Variants in NADSYN1 observed in about 807,000 individuals in gnomAD.
NADSYN1 encodes the protein glutamine-dependent NAD(+) synthetase.
In NADSYN1, 80 loss-of-function variants were observed where a neutral mutation model predicts 99.3. The observed-to-expected ratio is 0.81, with a 90% confidence interval of 0.67 to 0.97. NADSYN1 has a LOEUF of 0.97. Among genes scored for constraint, NADSYN1 ranks in the 50% least tolerant of loss-of-function variants. The probability of loss-of-function intolerance (pLI) is 0.00; values close to 1 mark genes in which losing one functional copy is unlikely to be tolerated. For synonymous variants in NADSYN1, 385 were observed against 372.1 expected (o/e 1.03, Z -0.40); for missense variants, 859 against 948.5 (o/e 0.91, Z 1.24).
intron 3 of NADSYN1, 45 bp downstream of exon 3, chr11:71,458,589 C>A: frequency 6.9e-7 from 1 of 1,444,874 alleles, no homozygotes; most frequent in East Asian, 2.3e-5. Flanking sequence ...GGGACAAAGG[C>A]AAGCTCAAGG....
At chr11:71,485,387 C>T (rs1949735423) in intron 15 of NADSYN1, 155 bp from the exon 16 acceptor site, 5 of 569,802 alleles carry the variant, frequency 8.8e-6, no homozygotes, top group South Asian at 2.2e-5. Context: ...AGGAAGGCCT[C>T]GGGACACTGT....
intron 9 of NADSYN1, chr11:71,477,149 C>G (rs921213884): frequency 1.0e-4 from 118 of 1,140,198 alleles, no homozygotes; most frequent in Non-Finnish European, 1.2e-4. Flanking sequence ...CCGTCGGGCC[C>G]GCGTTTCTCA....
Position 71,490,821 on chromosome 11 carries a change from C to T in NADSYN1, c.1563-24C>T, listed in dbSNP as rs376828758. On this transcript the variant is annotated intron_variant, in intron 16 of 20. Coordinates refer to ENST00000319023, the MANE Select transcript of NADSYN1 (RefSeq NM_018161.5). The stretch of plus-strand genomic sequence containing the variant: ...GAGTCTGCGGCCCCTTGGGAACCCG[C>T]GCTCTTTCTCCCTCTCCCTGCAGTC... The T allele has an allele frequency of 9.5e-5, 153 of 1,612,968 alleles. 1 individual carries two copies. In the African/African-American group the frequency reaches 1.1e-3, roughly 11 times the overall value.
Position 71,481,323 on chromosome 11 carries a change from G to A in NADSYN1, c.999-33G>A, listed in dbSNP as rs188095227. On this transcript the variant is annotated intron_variant, in intron 11 of 20. Coordinates refer to ENST00000319023, the MANE Select transcript of NADSYN1 (RefSeq NM_018161.5). ...TTGGGTGCTGTGGGCAGGGGCCACC[G>A]CCTCCGGGCTCCATGTTCTGATTGC... 32 of 1,612,316 alleles carry A rather than the reference G, an allele frequency of 2.0e-5. No individual in the cohort carries two copies. The Admixed American group carries it at 3.3e-4, about 17-fold the overall frequency.
intron 3 of NADSYN1, among the ~76,000 whole-genome samples, chr11:71,462,046 CAGAA>C (rs1270634767): frequency 1.4e-4 from 21 of 152,274 alleles, no homozygotes; most frequent in African/African-American, 4.6e-4. Flanking sequence ...TGATGTCAAC[CAGAA>C]ATAAAATTCT....
At chr11:71,475,662 G>A in intron 9 of NADSYN1, 1 of 206,860 alleles carries the variant, frequency 4.8e-6, no homozygotes. Context: ...CCTCCACAGA[G>A]AAGGGACCAC....
rs1297880584 is a variant in NADSYN1, at chr11:71,491,884, A to G, written c.1745A>G (p.Gln582Arg). ...TAELEPLADG[Q>R]VSQTDEEDMG... is the part of the protein sequence containing the mutation. ...GAGCTGGAGCCCTTGGCTGATGGAC[A>G]GGTGTCCCAGACCGACGAGGTAATG... The change falls in exon 18 of 21, where the codon CAG (glutamine) becomes CGG (arginine). Residue 582 changes from glutamine (Q) to arginine (R), a missense_variant. Physicochemically the swap from Gln to Arg is conservative, Grantham distance 43 (BLOSUM62 1). Coordinates refer to ENST00000319023, the MANE Select transcript of NADSYN1 (RefSeq NM_018161.5). The G allele has an allele frequency of 6.2e-7, 1 of 1,613,868 alleles. No individual in the cohort carries two copies. Among genetic ancestry groups the G allele is most frequent in the African/African-American group, 1.3e-5 (1 of 74,890 alleles).
intron 13 of NADSYN1, among the ~76,000 whole-genome samples, chr11:71,482,537 C>T (rs562540237): frequency 4.8e-5 from 7 of 147,130 alleles, no homozygotes; most frequent in Non-Finnish European, 7.5e-5. Context: ...GGGGTGGAGC[C>T]GCATGGGCGC....
At position 71,473,301 on chromosome 11, in the gene NADSYN1, G is replaced by A. The variant is rs141576786; in HGVS notation, c.483G>A (p.Ala161=). Residue 161 remains alanine (A), a synonymous_variant, in exon 7 of 21, where the codon GCG becomes GCA. Transcript: ENST00000319023. The stretch of plus-strand genomic sequence containing the variant: ...AGGAAACCGTACCCTTCGGAGATGC[G>A]GTGCTGGTGACATGGGACACCTGCA... ...TKQETVPFGD[A]VLVTWDTCIG... 223 of 1,614,164 alleles carry A rather than the reference G, an allele frequency of 1.4e-4. 3 individuals are homozygous for A. The highest frequency in any genetic ancestry group is 1.2e-3 in the African/African-American group (87 of 75,066).
At chr11:71,471,897 A>G (rs1181723768) in intron 5 of NADSYN1, among the ~76,000 whole-genome samples, 2 of 152,148 alleles carry the variant, frequency 1.3e-5, no homozygotes, top group African/African-American at 4.8e-5. Flanking sequence ...GTAACAGCCT[A>G]TTGGAAGTCA....
In NADSYN1 at chr11:71,453,276, G is replaced by T. The variant is rs752959671; in HGVS notation, c.-21G>T. On this transcript the variant is annotated 5_prime_UTR_variant, in exon 1 of 21. Transcript: ENST00000319023. Reference sequence around the variant, plus strand: ...TCTTGCTGTCCCCCGCTGGCCTCCTGCCCAAGCGACTGCGGCCAGGATGGG... The same window carrying T: ...TCTTGCTGTCCCCCGCTGGCCTCCTTCCCAAGCGACTGCGGCCAGGATGGG... 1.2e-6 allele frequency: 2 copies of T among 1,611,202 alleles called. No individual in the cohort carries two copies. The highest frequency in any genetic ancestry group is 1.1e-5 in the South Asian group (1 of 90,792).
At chr11:71,475,779 A>G (rs1258511781) in intron 9 of NADSYN1, among the ~76,000 whole-genome samples, 1 of 152,114 alleles carries the variant, frequency 6.6e-6, no homozygotes, top group Non-Finnish European at 1.5e-5. Context: ...CAGTGGCGCA[A>G]TCTTGGCTCG....
At position 71,477,471 on chromosome 11, in the gene NADSYN1, G is replaced by C. The variant is rs1402504898; in HGVS notation, c.799-924G>C. ...CCCCTGTTACGGCGGTAGGAGCAAG[G>C]GGCGCGCAAGGTGGCCACGGCCATC... is the stretch of plus-strand genomic sequence containing the variant. On this transcript the variant is annotated intron_variant, in intron 9 of 20. Coordinates refer to ENST00000319023, the MANE Select transcript of NADSYN1 (RefSeq NM_018161.5). 2.7e-5 allele frequency: 35 copies of C among 1,285,980 alleles called. No homozygotes were observed. In the Admixed American group the frequency reaches 8.1e-4, roughly 30 times the overall value. 79.7% of individuals were successfully genotyped at this position (1,285,980 alleles called of 1,614,324 possible). A position where few individuals can be genotyped will look rare whatever the true frequency, so the allele number is the denominator to read the frequency against.
chr11:71,471,802 C>A (rs576786279), intron 5 of NADSYN1, among the ~76,000 whole-genome samples: 1 of 152,234 alleles, frequency 6.6e-6, no homozygotes, highest in South Asian at 2.1e-4. Flanking sequence ...GAGAGAACTA[C>A]TAAAACCATG....
chr11:71,494,223 C>G (rs1314448523), intron 18 of NADSYN1, among the ~76,000 whole-genome samples: 2 of 152,198 alleles, frequency 1.3e-5, no homozygotes, highest in Non-Finnish European at 2.9e-5. Context: ...CTGGGAAGTG[C>G]CCTATGCAGG....
intron 18 of NADSYN1, among the ~76,000 whole-genome samples, chr11:71,496,042 C>T (rs529895217): frequency 2.6e-4 from 40 of 152,318 alleles, no homozygotes; most frequent in South Asian, 2.1e-3. Context: ...AGTGAGCCCT[C>T]GGCCCTCTTC....
chr11:71,453,343 C>T lies in NADSYN1; in HGVS notation c.47C>T (p.Ala16Val). Reference sequence around the variant, plus strand: ...GCCACCTGCGCACTCAACCAGTGGGCCCTGGACTTCGAGGGCAATTTGCAA... The same window carrying T: ...GCCACCTGCGCACTCAACCAGTGGGTCCTGGACTTCGAGGGCAATTTGCAA... ...TVATCALNQW[A>V]LDFEGNLQRI... The change falls in exon 1 of 21, where the codon GCC becomes GTC. Residue 16 changes from alanine to valine, a missense_variant. By Grantham distance (64) the Ala-to-Val change is moderately conservative (BLOSUM62 0). Transcript: ENST00000319023. 6.2e-7 allele frequency: 1 copy of T among 1,613,858 alleles called. No homozygotes were observed. Among genetic ancestry groups the T allele is most frequent in the Middle Eastern group, 1.7e-4 (1 of 6,060 alleles).
intron 5 of NADSYN1, among the ~76,000 whole-genome samples, chr11:71,464,890 AAAAG>A (rs1447135805): frequency 6.6e-6 from 1 of 151,196 alleles, no homozygotes; most frequent in East Asian, 1.9e-4. Flanking sequence ...AAAAAAAAAA[AAAAG>A]AGCGGGGTTT....
chr11:71,476,194 C>A, intron 9 of NADSYN1: 2 of 441,440 alleles, frequency 4.5e-6, no homozygotes, highest in Non-Finnish European at 4.6e-6. Flanking sequence ...CTGCCTCCCA[C>A]ACACAGCATT....
Sources: gnomAD v4.1 joint callset for allele counts (sites outside exome capture counted in the v4.1 genomes callset) on GRCh38, gnomAD v4.1.1 for gene constraint, MANE v1.5 for transcripts, NCBI Gene and HGNC (gene_info 2026-07-23, HGNC 2026-07-21) for gene names.